CCDC7: variants seen among roughly 807,000 people sequenced by gnomAD.
CCDC7 encodes coiled-coil domain containing 7, also known as coiled-coil domain-containing protein 7.
CCDC7 carries 183 observed loss-of-function variants against 196.9 expected under a neutral mutation model. That is an observed-to-expected ratio of 0.93 (90% CI 0.82 to 1.05). The LOEUF (loss-of-function observed/expected upper bound fraction) is 1.05. Among genes scored for constraint, CCDC7 ranks in the 50% least tolerant of loss-of-function variants. CCDC7 has a pLI of 0.00. For missense variants in CCDC7, 1,540 were observed against 1,482.2 expected (o/e 1.04, Z -0.64); for synonymous variants, 525 against 484.6 (o/e 1.08, Z -1.10).
At chr10:32,848,006 T>G in intron 38 of CCDC7, 90 bp downstream of exon 39, 3 of 685,460 alleles carry the variant, frequency 4.4e-6, no homozygotes, top group South Asian at 2.5e-5. Context: ...ACCTATATGT[T>G]AATATTTCAT....
intron 21 of CCDC7, among the ~76,000 whole-genome samples, chr10:32,664,495 C>T (rs2072212724): frequency 1.3e-5 from 2 of 152,008 alleles, no homozygotes; most frequent in South Asian, 2.1e-4. Flanking sequence ...AACATTGCTT[C>T]AGTCCTCCCA....
intron 31 of CCDC7, among the ~76,000 whole-genome samples, chr10:32,819,656 T>A (rs1475441882): frequency 6.6e-6 from 1 of 152,138 alleles, no homozygotes; most frequent in African/African-American, 2.4e-5. Flanking sequence ...GCAAAGCTGG[T>A]TCAAAATATG....
chr10:32,806,770 T>C (rs2085940549), intron 30 of CCDC7, among the ~76,000 whole-genome samples: 1 of 152,070 alleles, frequency 6.6e-6, no homozygotes, highest in South Asian at 2.1e-4. Flanking sequence ...AGTCTACACA[T>C]CCAAGCTCAA....
intron 21 of CCDC7, among the ~76,000 whole-genome samples, chr10:32,669,478 A>G (rs546163041): frequency 3.3e-5 from 5 of 152,194 alleles, no homozygotes; most frequent in African/African-American, 7.2e-5. Context: ...TTCTTAAAAC[A>G]TTGGGTAGAA....
chr10:32,462,958 A>T, intron 4 of CCDC7, 59 bp from the exon 6 acceptor site: 1 of 1,602,688 alleles, frequency 6.2e-7, no homozygotes, highest in Non-Finnish European at 8.5e-7. Flanking sequence ...TATTTATTTC[A>T]TCAGTGCAAT....
intron 28 of CCDC7, among the ~76,000 whole-genome samples, chr10:32,751,208 C>G (rs1324430857): frequency 1.3e-5 from 2 of 151,782 alleles, no homozygotes; most frequent in East Asian, 1.9e-4. Context: ...CTGCAGTCCT[C>G]TATTTATCTA....
chr10:32,636,564 T>C (rs1400110600), intron 20 of CCDC7, among the ~76,000 whole-genome samples: 1 of 152,214 alleles, frequency 6.6e-6, no homozygotes, highest in African/African-American at 2.4e-5. Flanking sequence ...GAACTCATCC[T>C]TTTTTATGGC....
upstream of CCDC7, among the ~76,000 whole-genome samples, chr10:32,448,308 A>AT (rs2031993097): frequency 6.6e-6 from 1 of 151,692 alleles, no homozygotes; most frequent in Non-Finnish European, 1.5e-5. Context: ...TATATTATAT[A>AT]TTTTTAATTT....
intron 24 of CCDC7, among the ~76,000 whole-genome samples, chr10:32,707,860 C>T (rs1487841276): frequency 6.6e-6 from 1 of 152,060 alleles, no homozygotes; most frequent in Non-Finnish European, 1.5e-5. Flanking sequence ...TACTCATGGG[C>T]AGGAAGAATC....
chr10:32,758,155 G>T (rs996320757), intron 28 of CCDC7, among the ~76,000 whole-genome samples: 1 of 152,190 alleles, frequency 6.6e-6, no homozygotes, highest in Non-Finnish European at 1.5e-5. Context: ...ATTCACAACC[G>T]AATTCTACCA....
rs902717955 is a variant in CCDC7, at chr10:32,674,056, G to A, written c.2122+9895G>A. 1.1e-4 allele frequency among the ~76,000 whole-genome samples: 17 copies of A among 150,994 alleles called. 1 individual carries two copies. In the South Asian group the frequency reaches 1.5e-3, roughly 13 times the overall value. On this transcript the variant is annotated intron_variant, in intron 21 of 41. Transcript: ENST00000639629. Reference sequence around the variant, plus strand: ...AATTTTCTTTATCTTTTCAAAAACCGAACTCACATTTTCATCAATTTTTTC... The same window carrying A: ...AATTTTCTTTATCTTTTCAAAAACCAAACTCACATTTTCATCAATTTTTTC...
intron 28 of CCDC7, among the ~76,000 whole-genome samples, chr10:32,769,038 TTC>T (rs1444043483): frequency 1.3e-5 from 2 of 152,260 alleles, no homozygotes; most frequent in Admixed American, 6.5e-5. Flanking sequence ...TTGTAGAGGA[TTC>T]TCTCTTTTTA....
chr10:32,791,494 A>G (rs1187704393), intron 29 of CCDC7, among the ~76,000 whole-genome samples: 1 of 152,108 alleles, frequency 6.6e-6, no homozygotes, highest in Non-Finnish European at 1.5e-5. Flanking sequence ...ATAATTCATC[A>G]TCTGAATGAT....
chr10:32,802,254 G>A (rs983090704), intron 29 of CCDC7, among the ~76,000 whole-genome samples: 5 of 152,062 alleles, frequency 3.3e-5, no homozygotes, highest in Non-Finnish European at 7.4e-5. Flanking sequence ...TTTACATTCC[G>A]TAGTTCTTCA....
chr10:32,725,951 T>C lies in CCDC7; in HGVS notation c.2570-783T>C, dbSNP rs574708461. ...ACATTAACCTACTTCCAAAAGTAAATATTATGCAAAAGATATCCTTAGAAG... is the reference window on the plus strand; with the variant it reads ...ACATTAACCTACTTCCAAAAGTAAACATTATGCAAAAGATATCCTTAGAAG... On this transcript the variant is annotated intron_variant, in intron 25 of 41. Transcript: ENST00000639629. Among the ~76,000 whole-genome samples the C allele has an allele frequency of 5.3e-5, 8 of 152,274 alleles. No individual in the cohort carries two copies. The South Asian group carries it at 1.7e-3, about 32-fold the overall frequency.
intron 13 of CCDC7, among the ~76,000 whole-genome samples, chr10:32,561,605 G>A (rs2055649893): frequency 6.6e-6 from 1 of 152,108 alleles, no homozygotes; most frequent in South Asian, 2.1e-4. Flanking sequence ...AAACCAATGA[G>A]AACAAAGACA....
At chr10:32,506,423 A>G (rs1457422639) in intron 9 of CCDC7, among the ~76,000 whole-genome samples, 1 of 152,216 alleles carries the variant, frequency 6.6e-6, no homozygotes, top group African/African-American at 2.4e-5. Context: ...GCAGCCAGGC[A>G]GAGACGCTGC....
intron 28 of CCDC7, among the ~76,000 whole-genome samples, chr10:32,732,781 G>T (rs1458980158): frequency 1.3e-5 from 2 of 152,082 alleles, no homozygotes; most frequent in Middle Eastern, 3.4e-3. Flanking sequence ...ACGATATGAT[G>T]GACATTTTGT....
At chr10:32,580,978 A>G (rs1004521679) in intron 16 of CCDC7, among the ~76,000 whole-genome samples, 3 of 152,166 alleles carry the variant, frequency 2.0e-5, no homozygotes, top group African/African-American at 4.8e-5. Flanking sequence ...AAGAATTATG[A>G]AGTGTCCATG....
Sources: gnomAD v4.1 joint callset for allele counts (sites outside exome capture counted in the v4.1 genomes callset) on GRCh38, gnomAD v4.1.1 for gene constraint, MANE v1.5 for transcripts, NCBI Gene and HGNC (gene_info 2026-07-23, HGNC 2026-07-21) for gene names.